Variants in GLIS1 observed in about 807,000 individuals in gnomAD.
GLIS1 encodes the protein GLIS family zinc finger 1.
In GLIS1, 24 loss-of-function variants were observed where a neutral mutation model predicts 63.8. That is an observed-to-expected ratio of 0.38 (90% CI 0.27 to 0.53). The LOEUF (loss-of-function observed/expected upper bound fraction) is 0.53. GLIS1 is among the 20% of genes least tolerant of loss of function. The pLI is 0.85. For synonymous variants in GLIS1, 450 were observed against 482.5 expected, an observed-to-expected ratio of 0.93 and a Z score of 0.88; for missense variants, 1,036 against 1,074.1, an observed-to-expected ratio of 0.96 and a Z score of 0.50.
At chr1:53,676,140 T>C (rs1432944401) in intron 2 of GLIS1, among the ~76,000 whole-genome samples, 1 of 152,214 alleles carries the variant, frequency 6.6e-6, no homozygotes, top group Non-Finnish European at 1.5e-5. Flanking sequence ...CCGTTTGCTC[T>C]GGTTTGGGGT....
chr1:53,690,806 C>T (rs1045091295), intron 2 of GLIS1, among the ~76,000 whole-genome samples: 1 of 152,178 alleles, frequency 6.6e-6, no homozygotes, highest in Non-Finnish European at 1.5e-5. Context: ...TGAGAACTGT[C>T]CAAGGGTGTG....
At chr1:53,597,581 G>A (rs1394842244) in intron 3 of GLIS1, among the ~76,000 whole-genome samples, 1 of 152,130 alleles carries the variant, frequency 6.6e-6, no homozygotes, top group East Asian at 1.9e-4. Flanking sequence ...CAGGAGCCCA[G>A]GCGCTAGTTG....
At chr1:53,605,040 A>AT (rs1164130088) in intron 2 of GLIS1, among the ~76,000 whole-genome samples, 2 of 41,802 alleles carry the variant, frequency 4.8e-5, no homozygotes, top group Admixed American at 3.2e-4. Context: ...TAGGCTGTTA[A>AT]TCGCCAACCC....
At chr1:53,623,024 A>G (rs1332461791) in intron 2 of GLIS1, among the ~76,000 whole-genome samples, 2 of 152,174 alleles carry the variant, frequency 1.3e-5, no homozygotes, top group African/African-American at 4.8e-5. Flanking sequence ...TTAACACATG[A>G]CTGTGATATG....
intron 2 of GLIS1, among the ~76,000 whole-genome samples, chr1:53,715,745 G>A (rs1173182437): frequency 6.6e-6 from 1 of 152,130 alleles, no homozygotes; most frequent in African/African-American, 2.4e-5. Context: ...TTACTGAGAG[G>A]ACGAGTGAGA....
Position 53,518,115 on chromosome 1 carries a change from A to T in GLIS1, c.1726+2519T>A, listed in dbSNP as rs531010922. Among the ~76,000 whole-genome samples the T allele has an allele frequency of 3.9e-4, 59 of 152,304 alleles. 1 individual carries two copies. The highest frequency in any genetic ancestry group is 1.3e-3 in the African/African-American group (53 of 41,582). On this transcript the variant is annotated intron_variant, in intron 7 of 10. Transcript: ENST00000628545. ...CCTGCGGCCTGCAGAAGAACCCAGC[A>T]GGCCGGATCCTAGGGGATCCAGGAC...
In GLIS1 at chr1:53,595,004, C is replaced by T; in HGVS notation, c.438-14G>A. Reference sequence around the variant, plus strand: ...GGTCTAGGTGACCTGGAAGACAGTGCCCAGAGAGGTCATGAGAGGCTGGGC... The same window carrying T: ...GGTCTAGGTGACCTGGAAGACAGTGTCCAGAGAGGTCATGAGAGGCTGGGC... On this transcript the variant is annotated splice_polypyrimidine_tract_variant and intron_variant, in intron 3 of 10. Transcript: ENST00000628545. 7.1e-7 allele frequency: 1 copy of T among 1,414,786 alleles called. No homozygotes were observed. The highest frequency in any genetic ancestry group is 9.2e-7 in the Non-Finnish European group (1 of 1,089,746). 87.6% of individuals were successfully genotyped at this position (1,414,786 alleles called of 1,614,324 possible).
At chr1:53,691,823 AGG>A (rs1013552940) in intron 2 of GLIS1, among the ~76,000 whole-genome samples, 1 of 152,064 alleles carries the variant, frequency 6.6e-6, no homozygotes, top group African/African-American at 2.4e-5. Context: ...ACTCCAACCC[AGG>A]GTCACACCCA....
intron 4 of GLIS1, among the ~76,000 whole-genome samples, chr1:53,585,494 TG>T (rs749024497): frequency 6.3e-4 from 41 of 64,982 alleles, no homozygotes; most frequent in Non-Finnish European, 1.1e-3. Context: ...GGGAAAGGGG[TG>T]GGGGGTCAGG....
At chr1:53,525,602 C>T (rs1419715253) in intron 5 of GLIS1, among the ~76,000 whole-genome samples, 1 of 150,784 alleles carries the variant, frequency 6.6e-6, no homozygotes, top group African/African-American at 2.4e-5. Flanking sequence ...CACTGCCCCT[C>T]CTGAATTCCT....
At chr1:53,573,252 G>A (rs1343178632) in intron 4 of GLIS1, among the ~76,000 whole-genome samples, 1 of 152,180 alleles carries the variant, frequency 6.6e-6, no homozygotes, top group African/African-American at 2.4e-5. Context: ...GTCTGCTGGG[G>A]AAGGTGCCGC....
At chr1:53,563,208 C>A (rs1378307238) in intron 4 of GLIS1, among the ~76,000 whole-genome samples, 1 of 152,192 alleles carries the variant, frequency 6.6e-6, no homozygotes, top group Admixed American at 6.5e-5. Flanking sequence ...TCAAAGGTGA[C>A]CAAACACATG....
At chr1:53,691,143 G>A (rs1183454199) in intron 2 of GLIS1, among the ~76,000 whole-genome samples, 1 of 152,078 alleles carries the variant, frequency 6.6e-6, no homozygotes, top group African/African-American at 2.4e-5. Context: ...ATCACTCAAG[G>A]CCAGGAGTTC....
chr1:53,508,687 G>T, intron 10 of GLIS1, among the ~76,000 whole-genome samples: 1 of 152,172 alleles, frequency 6.6e-6, no homozygotes. Context: ...AGTGGGGAAG[G>T]AACAGCATGA....
intron 2 of GLIS1, among the ~76,000 whole-genome samples, chr1:53,616,301 G>C (rs1225945343): frequency 6.6e-6 from 1 of 152,178 alleles, no homozygotes; most frequent in Non-Finnish European, 1.5e-5. Context: ...GAAATGCAGA[G>C]GAAATGGCTG....
chr1:53,724,152 C>T (rs1260222035), intron 2 of GLIS1, among the ~76,000 whole-genome samples: 2 of 152,254 alleles, frequency 1.3e-5, no homozygotes, highest in Middle Eastern at 3.2e-3. Flanking sequence ...CATCTCAACA[C>T]TTCTATGGCC....
chr1:53,622,427 C>CAAAAAAAA lies in GLIS1; in HGVS notation c.260-22157_260-22150dup, dbSNP rs60923620. On this transcript the variant is annotated intron_variant, in intron 2 of 10. Transcript: ENST00000628545. ...TGGACAACAGAGCTAGACTATGTCT[C>CAAAAAAAA]AAAAAAAAAAAAAAAAAAAAAAAGA... Among the ~76,000 whole-genome samples, 420 of 132,122 alleles carry CAAAAAAAA rather than the reference C, an allele frequency of 3.2e-3. 2 individuals are homozygous for CAAAAAAAA. The highest frequency in any genetic ancestry group is 5.0e-3 in the South Asian group (19 of 3,792). The allele number at this position is 132,122 out of a possible 152,430, so 86.7% of individuals were successfully genotyped here.
chr1:53,736,106 A>T (rs1196280587), intron 2 of GLIS1, among the ~76,000 whole-genome samples: 2 of 152,196 alleles, frequency 1.3e-5, no homozygotes, highest in Admixed American at 6.5e-5. Context: ...CTATGAAGAA[A>T]AGTTGTGAAA....
intron 2 of GLIS1, among the ~76,000 whole-genome samples, chr1:53,633,268 A>T (rs1250697392): frequency 4.0e-5 from 4 of 100,446 alleles, no homozygotes; most frequent in Non-Finnish European, 7.8e-5. Flanking sequence ...TATGTGACTG[A>T]GGGGTGTGAA....
Sources: gnomAD v4.1 joint callset for allele counts (sites outside exome capture counted in the v4.1 genomes callset) on GRCh38, gnomAD v4.1.1 for gene constraint, MANE v1.5 for transcripts, NCBI Gene and HGNC (gene_info 2026-07-23, HGNC 2026-07-21) for gene names.